Variants in ZBTB8OS observed in about 807,000 individuals in gnomAD.
ZBTB8OS encodes the protein tRNA-splicing ligase-activating factor archease.
ZBTB8OS carries 16 observed loss-of-function variants against 29.3 expected under a neutral mutation model. The ratio of observed to expected loss-of-function variants is 0.55; its 90% CI spans 0.37 to 0.83. The LOEUF (loss-of-function observed/expected upper bound fraction) is 0.83, where lower values mean the gene tolerates loss of function less well. ZBTB8OS is among the 40% of genes least tolerant of loss of function. ZBTB8OS has a pLI of 0.00. For missense variants in ZBTB8OS, 160 were observed against 196.9 expected (o/e 0.81, Z 1.12); for synonymous variants, 70 against 64.6 (o/e 1.08, Z -0.40).
chr1:32,646,382 TTTATTTTA>T (rs2148470840), intron 1 of ZBTB8OS, among the ~76,000 whole-genome samples: 1 of 152,076 alleles, frequency 6.6e-6, no homozygotes, highest in East Asian at 1.9e-4. Context: ...ATTAAAGTTT[TTTATTTTA>T]TTATTATTTT....
chr1:32,636,950 A>G (rs1646013147), intron 1 of ZBTB8OS, among the ~76,000 whole-genome samples: 1 of 152,088 alleles, frequency 6.6e-6, no homozygotes, highest in Non-Finnish European at 1.5e-5. Flanking sequence ...TTCCATTGAA[A>G]TGTAATCAAC....
intron 1 of ZBTB8OS, among the ~76,000 whole-genome samples, chr1:32,637,877 C>T (rs944165076): frequency 6.6e-5 from 10 of 151,974 alleles, no homozygotes; most frequent in African/African-American, 9.7e-5. Context: ...TCTGTAGCCC[C>T]GGCTGGAGTG....
intron 1 of ZBTB8OS, among the ~76,000 whole-genome samples, chr1:32,646,841 A>G: frequency 7.0e-6 from 1 of 142,710 alleles, no homozygotes; most frequent in Non-Finnish European, 1.5e-5. Context: ...GTTCAAGACC[A>G]TCCTGGCCAG....
intron 4 of ZBTB8OS, among the ~76,000 whole-genome samples, chr1:32,632,899 A>C (rs1645684881): frequency 6.6e-6 from 1 of 152,180 alleles, no homozygotes; most frequent in African/African-American, 2.4e-5. Flanking sequence ...TGAGCCTAAT[A>C]AACTACTGGT....
chr1:32,641,023 A>AAAAAAAAT (rs780243415), intron 1 of ZBTB8OS, among the ~76,000 whole-genome samples: 9 of 149,190 alleles, frequency 6.0e-5, no homozygotes, highest in African/African-American at 2.2e-4. Context: ...AAAAAAAAAA[A>AAAAAAAAT]TTAGCTGGGC....
intron 5 of ZBTB8OS, among the ~76,000 whole-genome samples, chr1:32,629,435 C>T (rs935597169): frequency 7.9e-5 from 12 of 151,602 alleles, no homozygotes; most frequent in African/African-American, 2.2e-4. Context: ...ACAACAAAAA[C>T]AAAACAAAAA....
chr1:32,634,239 A>AT (rs993201936), intron 2 of ZBTB8OS, 167 bp from the exon 3 acceptor site: 9 of 493,900 alleles, frequency 1.8e-5, no homozygotes, highest in African/African-American at 1.6e-4. Flanking sequence ...TTTATTTATG[A>AT]TTTTTTAGAC....
chr1:32,647,266 CAAAAAAAAA>C (rs71006348), intron 1 of ZBTB8OS, among the ~76,000 whole-genome samples: 193 of 134,486 alleles, frequency 1.4e-3, no homozygotes, highest in Admixed American at 1.6e-3. Flanking sequence ...TACTCTGTCT[CAAAAAAAAA>C]AAAAAAAAAA....
chr1:32,621,872 A>G lies in ZBTB8OS; in HGVS notation c.494T>C (p.Ile165Thr), dbSNP rs1381851464. The change falls in exon 7 of 7, where the codon ATT (isoleucine) becomes ACT (threonine). Residue 165 changes from isoleucine to threonine, a missense_variant. Ile to Thr is a moderately conservative substitution (Grantham distance 89). Coordinates refer to ENST00000468695, the MANE Select transcript of ZBTB8OS (RefSeq NM_178547.5). Reference sequence around the variant, plus strand: ...TTATTTTTTGGTGTCTTAAATGTCAATGATCACAAAAACTTCCGGGTTCTC... The same window carrying G: ...TTATTTTTTGGTGTCTTAAATGTCAGTGATCACAAAAACTTCCGGGTTCTC... Reference protein sequence around the residue: ...NEENPEVFVIIDI With the variant: ...NEENPEVFVITDI 1.3e-6 allele frequency: 2 copies of G among 1,591,486 alleles called. No individual in the cohort carries two copies. The highest frequency in any genetic ancestry group is 1.7e-6 in the Non-Finnish European group (2 of 1,175,196).
intron 5 of ZBTB8OS, among the ~76,000 whole-genome samples, chr1:32,631,354 C>CAAAA (rs560515421): frequency 3.2e-5 from 2 of 63,208 alleles, no homozygotes; most frequent in Non-Finnish European, 6.4e-5. Context: ...GACCCTGTAT[C>CAAAA]AAAAAAAAAA....
intron 1 of ZBTB8OS, among the ~76,000 whole-genome samples, chr1:32,644,489 G>C (rs1259497217): frequency 6.6e-6 from 1 of 151,650 alleles, no homozygotes; most frequent in African/African-American, 2.4e-5. Context: ...TGGGATTATA[G>C]GTGTGAGCCA....
At chr1:32,625,778 A>C (rs1232864247) in intron 6 of ZBTB8OS, among the ~76,000 whole-genome samples, 5 of 152,214 alleles carry the variant, frequency 3.3e-5, no homozygotes, top group African/African-American at 7.2e-5. Context: ...TCCAATGACA[A>C]ATATGAATTT....
chr1:32,633,749 A>C, intron 3 of ZBTB8OS, 22 bp from the exon 4 acceptor site: 1 of 1,557,236 alleles, frequency 6.4e-7, no homozygotes, highest in East Asian at 2.2e-5. Flanking sequence ...CAAATAGTAT[A>C]TTTAATAATT....
chr1:32,648,292 T>C (rs1367021140), intron 1 of ZBTB8OS, among the ~76,000 whole-genome samples: 1 of 152,208 alleles, frequency 6.6e-6, no homozygotes, highest in African/African-American at 2.4e-5. Context: ...TAGAGAGCAA[T>C]TTGGCAATAA....
At chr1:32,627,683 A>T (rs1645220459) in intron 5 of ZBTB8OS, 139 bp from the exon 6 acceptor site, 2 of 718,376 alleles carry the variant, frequency 2.8e-6, no homozygotes, top group African/African-American at 1.8e-5. Context: ...TTTCATTTTC[A>T]TTTGTCAGAA....
chr1:32,633,918 T>C (rs1486380290), intron 3 of ZBTB8OS, 33 bp downstream of exon 3: 4 of 1,546,280 alleles, frequency 2.6e-6, no homozygotes, highest in Non-Finnish European at 2.6e-6. Flanking sequence ...CAGTACTGTA[T>C]AACAATTTCT....
chr1:32,622,139 G>T (rs1276753186), intron 6 of ZBTB8OS, among the ~76,000 whole-genome samples, 191 bp from the exon 7 acceptor site: 1 of 152,162 alleles, frequency 6.6e-6, no homozygotes, highest in African/African-American at 2.4e-5. Flanking sequence ...GGCAACACAT[G>T]CACAATGGAG....
chr1:32,622,665 A>G (rs1644835819), intron 6 of ZBTB8OS, among the ~76,000 whole-genome samples: 2 of 152,074 alleles, frequency 1.3e-5, no homozygotes. Flanking sequence ...CCCCCACAAC[A>G]TGCAATTTAC....
chr1:32,637,579 G>A (rs2148404590), intron 1 of ZBTB8OS, among the ~76,000 whole-genome samples: 1 of 149,892 alleles, frequency 6.7e-6, no homozygotes, highest in South Asian at 2.1e-4. Context: ...AAAAAAAAAA[G>A]AATCTAAACT....
Sources: allele counts gnomAD v4.1 joint callset (sites outside exome capture counted in the v4.1 genomes callset), GRCh38; gene constraint gnomAD v4.1.1; transcripts MANE v1.5; gene names NCBI Gene and HGNC (gene_info 2026-07-23, HGNC 2026-07-21).